Variants in NKAIN2 observed in about 807,000 individuals in gnomAD.
NKAIN2 encodes the protein sodium/potassium transporting ATPase interacting 2, also known as sodium/potassium-transporting ATPase subunit beta-1-interacting protein 2.
A neutral mutation model predicts 32.6 loss-of-function variants in NKAIN2; 14 were observed. The observed-to-expected ratio is 0.43, with a 90% CI of 0.28 to 0.67. The LOEUF is 0.67. Ranked by LOEUF, NKAIN2 falls within the 30% of genes least tolerant of loss-of-function variation. The probability of loss-of-function intolerance (pLI) is 0.17; values close to 1 mark genes in which losing one functional copy is unlikely to be tolerated. For synonymous variants in NKAIN2, 80 were observed against 87.2 expected (o/e 0.92, Z 0.46); for missense variants, 198 against 258.3 (o/e 0.77, Z 1.60).
chr6:124,197,056 T>C (rs1367192924), intron 1 of NKAIN2, among the ~76,000 whole-genome samples: 1 of 151,574 alleles, frequency 6.6e-6, no homozygotes, highest in Non-Finnish European at 1.5e-5. Flanking sequence ...ATTGGTATCA[T>C]AGTCAATGTT....
chr6:124,345,334 G>A (rs1478059120), intron 2 of NKAIN2, among the ~76,000 whole-genome samples: 1 of 152,120 alleles, frequency 6.6e-6, no homozygotes, highest in Admixed American at 6.6e-5. Flanking sequence ...GTATCAGGAT[G>A]ATGCTGGCCT....
chr6:124,364,380 C>T (rs1799429411), intron 3 of NKAIN2, among the ~76,000 whole-genome samples: 1 of 151,680 alleles, frequency 6.6e-6, no homozygotes, highest in South Asian at 2.1e-4. Context: ...GAGAATTTTC[C>T]AAAATTAATT....
chr6:124,707,499 C>A (rs1447922856), intron 4 of NKAIN2, among the ~76,000 whole-genome samples: 1 of 144,184 alleles, frequency 6.9e-6, no homozygotes, highest in African/African-American at 2.6e-5. Context: ...CTCTCCAGCA[C>A]CTGTTGTTTC....
chr6:124,572,002 A>T (rs577003902), intron 3 of NKAIN2, among the ~76,000 whole-genome samples: 1 of 151,578 alleles, frequency 6.6e-6, no homozygotes, highest in Admixed American at 6.6e-5. Flanking sequence ...ACTCTATTTT[A>T]TCTGTTCTTT....
chr6:124,025,851 A>G (rs1010587333), intron 1 of NKAIN2, among the ~76,000 whole-genome samples: 5 of 152,178 alleles, frequency 3.3e-5, no homozygotes, highest in African/African-American at 9.7e-5. Context: ...CCTTGACAAC[A>G]GAGAAAAGTA....
chr6:124,437,749 G>A (rs1775510712), intron 3 of NKAIN2, among the ~76,000 whole-genome samples: 1 of 152,080 alleles, frequency 6.6e-6, no homozygotes, highest in African/African-American at 2.4e-5. Context: ...TAGAGTTGGA[G>A]GTGAGGTTAG....
intron 1 of NKAIN2, among the ~76,000 whole-genome samples, chr6:123,971,933 G>C (rs1224747581): frequency 6.6e-6 from 1 of 152,160 alleles, no homozygotes; most frequent in East Asian, 1.9e-4. Flanking sequence ...AACAACATGG[G>C]TTTGAACCAC....
intron 1 of NKAIN2, among the ~76,000 whole-genome samples, chr6:124,201,146 A>G (rs1275030015): frequency 2.0e-5 from 3 of 152,026 alleles, no homozygotes; most frequent in Non-Finnish European, 4.4e-5. Flanking sequence ...CCTTTTACAT[A>G]CTAATACATA....
Position 124,080,383 on chromosome 6 carries a change from C to T in NKAIN2, c.55-202622C>T, listed in dbSNP as rs747696311. Among the ~76,000 whole-genome samples the T allele has an allele frequency of 3.3e-5, 5 of 152,148 alleles. No individual in the cohort carries two copies. In the South Asian group the frequency reaches 1.1e-3, roughly 32 times the overall value. On this transcript the variant is annotated intron_variant, in intron 1 of 6. Coordinates refer to ENST00000368417, the MANE Select transcript of NKAIN2 (RefSeq NM_001040214.3). The stretch of plus-strand genomic sequence containing the variant: ...TATCAGTCTCAATATACGTGAGTTA[C>T]AGTTTTCATTGTTTTCTTACTTAAA...
At chr6:124,490,121 T>A (rs1271755218) in intron 3 of NKAIN2, among the ~76,000 whole-genome samples, 1 of 151,838 alleles carries the variant, frequency 6.6e-6, no homozygotes, top group Non-Finnish European at 1.5e-5. Flanking sequence ...TGATCCTGCC[T>A]AAACCTTGAC....
intron 1 of NKAIN2, among the ~76,000 whole-genome samples, chr6:124,234,422 T>C (rs1792633080): frequency 6.6e-6 from 1 of 152,126 alleles, no homozygotes; most frequent in Admixed American, 6.6e-5. Flanking sequence ...AAAAGAATAA[T>C]TCCAAGTGAA....
chr6:124,417,592 G>T (rs1258709688), intron 3 of NKAIN2, among the ~76,000 whole-genome samples: 3 of 152,008 alleles, frequency 2.0e-5, no homozygotes, highest in Non-Finnish European at 4.4e-5. Context: ...ACGTGTTGTA[G>T]ACCAAACGTC....
chr6:124,396,998 C>T (rs920724125), intron 3 of NKAIN2, among the ~76,000 whole-genome samples: 1 of 151,982 alleles, frequency 6.6e-6, no homozygotes, highest in Non-Finnish European at 1.5e-5. Context: ...AATGATTTTA[C>T]TTTTTTATCT....
At chr6:123,862,923 G>C (rs1318705600) in intron 1 of NKAIN2, among the ~76,000 whole-genome samples, 1 of 152,170 alleles carries the variant, frequency 6.6e-6, no homozygotes, top group Non-Finnish European at 1.5e-5. Flanking sequence ...ATTTACCACT[G>C]AGTCCCTGGG....
At chr6:123,838,883 A>G (rs1316648131) in intron 1 of NKAIN2, among the ~76,000 whole-genome samples, 2 of 152,194 alleles carry the variant, frequency 1.3e-5, no homozygotes, top group African/African-American at 2.4e-5. Flanking sequence ...TAGAAAATCT[A>G]TTCTTTCTCC....
intron 1 of NKAIN2, among the ~76,000 whole-genome samples, chr6:124,070,424 T>A (rs1193677676): frequency 6.6e-6 from 1 of 152,292 alleles, no homozygotes; most frequent in Admixed American, 6.5e-5. Context: ...TCCTTCTGCA[T>A]CTGGTTATAC....
At chr6:124,392,087 G>A (rs565091382) in intron 3 of NKAIN2, among the ~76,000 whole-genome samples, 95 of 152,060 alleles carry the variant, frequency 6.2e-4, no homozygotes, top group Non-Finnish European at 7.9e-4. Context: ...GATATTTTTC[G>A]TTCCTTTTCT....
chr6:123,872,602 T>G (rs1214781072), intron 1 of NKAIN2, among the ~76,000 whole-genome samples: 1 of 152,248 alleles, frequency 6.6e-6, no homozygotes, highest in Non-Finnish European at 1.5e-5. Flanking sequence ...TTTGCTACAT[T>G]ATTTTATAAA....
chr6:124,460,341 G>T (rs184765840), intron 3 of NKAIN2, among the ~76,000 whole-genome samples: 6 of 151,830 alleles, frequency 4.0e-5, no homozygotes, highest in African/African-American at 1.4e-4. Context: ...GGTCACAACT[G>T]CTGCATATGT....
Sources: allele counts gnomAD v4.1 joint callset (sites outside exome capture counted in the v4.1 genomes callset), GRCh38; gene constraint gnomAD v4.1.1; transcripts MANE v1.5; gene names NCBI Gene and HGNC (gene_info 2026-07-23, HGNC 2026-07-21).